Variants in ZNF714 observed in about 807,000 individuals in gnomAD.
The protein encoded by ZNF714 is zinc finger protein 714.
ZNF714 carries 32 observed loss-of-function variants against 46.2 expected under a neutral mutation model. The observed-to-expected ratio is 0.69, with a 90% CI of 0.52 to 0.93. The LOEUF (loss-of-function observed/expected upper bound fraction) is 0.93, where lower values mean the gene tolerates loss of function less well. ZNF714 is among the 40% of genes least tolerant of loss of function. The pLI is 0.00. For synonymous variants in ZNF714, 199 were observed against 213.1 expected, an observed-to-expected ratio of 0.93 and a Z score of 0.58; for missense variants, 635 against 646.3, an observed-to-expected ratio of 0.98 and a Z score of 0.19.
At chr19:21,083,876 G>T in intron 1 of ZNF714, 102 bp from the exon 2 acceptor site, 1 of 454,310 alleles carries the variant, frequency 2.2e-6, no homozygotes, top group Non-Finnish European at 3.4e-6. Flanking sequence ...TTTTCTGGTC[G>T]TGGGTTTCAG....
At chr19:21,085,437 GTAGA>G (rs1319374076) in intron 2 of ZNF714, among the ~76,000 whole-genome samples, 6 of 110,734 alleles carry the variant, frequency 5.4e-5, no homozygotes, top group Non-Finnish European at 7.9e-5. Flanking sequence ...TCATAAAGGA[GTAGA>G]TACTTTTGCT....
At chr19:21,103,528 G>C (rs1486344806) in intron 4 of ZNF714, among the ~76,000 whole-genome samples, 1 of 152,152 alleles carries the variant, frequency 6.6e-6, no homozygotes, top group Non-Finnish European at 1.5e-5. Flanking sequence ...ACTCCAGCCT[G>C]GGTGACAGAG....
chr19:21,106,563 C>T lies in ZNF714; in HGVS notation c.142+7653C>T, dbSNP rs58174962. ...CAGCCTGGGTGACAGAGCAAGACTC[C>T]GTCTCAAAAAAAAAAAAAAAACAAA... is the stretch of plus-strand genomic sequence containing the variant. On this transcript the variant is annotated intron_variant, in intron 4 of 4. Transcript: ENST00000456283. Among the ~76,000 whole-genome samples the T allele has an allele frequency of 4.1e-3, 538 of 130,038 alleles. 26 individuals carry two copies. In the East Asian group the frequency reaches 0.097, roughly 23 times the overall value. 85.3% of individuals were successfully genotyped at this position (130,038 alleles called of 152,430 possible).
Position 21,117,704 on chromosome 19 carries a change from G to A in ZNF714, c.1040G>A (p.Gly347Asp). 1 of 1,613,346 alleles carries A rather than the reference G, an allele frequency of 6.2e-7. No individual in the cohort carries two copies. The highest frequency in any genetic ancestry group is 1.1e-5 in the South Asian group (1 of 90,938). Reference protein sequence around the residue: ...GEKPYKCEECGKAFNVSSHLT... With the variant: ...GEKPYKCEECDKAFNVSSHLT... ...AAACCCTACAAATGTGAAGAATGTG[G>A]CAAAGCCTTTAATGTGTCTTCACAC... The change falls in exon 5 of 5, where the codon GGC becomes GAC. Residue 347 changes from glycine to aspartate, a missense_variant. Coordinates refer to ENST00000456283, the MANE Select transcript of ZNF714 (RefSeq NM_182515.4).
chr19:21,124,917 T>C lies in ZNF714; in HGVS notation c.*6585T>C, dbSNP rs1969768576. On this transcript the variant is annotated 3_prime_UTR_variant, in exon 5 of 5. Transcript: ENST00000456283. ...ATGTCCTCCAGCTTAATCTATGTAATTTAAAATAATATAATTTTTTTCTTT... is the reference window on the plus strand; with the variant it reads ...ATGTCCTCCAGCTTAATCTATGTAACTTAAAATAATATAATTTTTTTCTTT... 1 of 145,998 alleles carries C rather than the reference T, an allele frequency of 6.8e-6. No individual in the cohort carries two copies. The highest frequency in any genetic ancestry group is 1.5e-5 in the Non-Finnish European group (1 of 67,164). The allele number at this position is 145,998 out of a possible 1,614,324, so 9.0% of individuals were successfully genotyped here.
chr19:21,098,410 G>T, intron 3 of ZNF714, 99 bp downstream of exon 3: 1 of 1,407,206 alleles, frequency 7.1e-7, no homozygotes, highest in Non-Finnish European at 9.8e-7. Context: ...TTGTATAAAT[G>T]AGTTTCTGAT....
chr19:21,095,062 G>A lies in ZNF714; in HGVS notation c.-84-3123G>A, dbSNP rs539378683. 1.1e-4 allele frequency among the ~76,000 whole-genome samples: 17 copies of A among 152,066 alleles called. 2 individuals carry two copies. The highest frequency in any genetic ancestry group is 5.9e-4 in the Admixed American group (9 of 15,278). ...ATTCTGGGTATTAAACCTTTGTCAG[G>A]AACATAGTTTGCAAATATTTTTGTT... is the stretch of plus-strand genomic sequence containing the variant. On this transcript the variant is annotated intron_variant, in intron 2 of 4. Transcript: ENST00000456283.
intron 2 of ZNF714, among the ~76,000 whole-genome samples, chr19:21,086,730 A>G (rs1003561618): frequency 1.3e-5 from 2 of 152,186 alleles, no homozygotes; most frequent in Non-Finnish European, 2.9e-5. Context: ...AGTCAGTCTC[A>G]GCCCTATTTT....
chr19:21,108,581 A>C (rs1969375595), intron 4 of ZNF714, among the ~76,000 whole-genome samples: 1 of 152,180 alleles, frequency 6.6e-6, no homozygotes, highest in Non-Finnish European at 1.5e-5. Context: ...GCCGTCTCTT[A>C]CCATGTGATA....
intron 4 of ZNF714, among the ~76,000 whole-genome samples, chr19:21,109,306 C>T (rs933805628): frequency 6.6e-6 from 1 of 152,136 alleles, no homozygotes; most frequent in Admixed American, 6.5e-5. Flanking sequence ...GCAGCCTCAA[C>T]CTCCCAAACT....
rs1969748525 is a variant in ZNF714, at chr19:21,123,791, A to G, written c.*5459A>G. The G allele has an allele frequency of 6.6e-6, 1 of 152,152 alleles. No individual in the cohort carries two copies. The highest frequency in any genetic ancestry group is 1.9e-4 in the East Asian group (1 of 5,206). The allele number at this position is 152,152 out of a possible 1,614,324, so 9.4% of individuals were successfully genotyped here. On this transcript the variant is annotated 3_prime_UTR_variant, in exon 5 of 5. Coordinates refer to ENST00000456283, the MANE Select transcript of ZNF714 (RefSeq NM_182515.4). Reference sequence around the variant, plus strand: ...ATTTAGAAAAATATGTCTTTTCTATATTGATTTTACAATTTGGAGAAATTT... The same window carrying G: ...ATTTAGAAAAATATGTCTTTTCTATGTTGATTTTACAATTTGGAGAAATTT...
At chr19:21,093,522 C>G (rs770043167) in intron 2 of ZNF714, among the ~76,000 whole-genome samples, 1 of 151,728 alleles carries the variant, frequency 6.6e-6, no homozygotes, top group Non-Finnish European at 1.5e-5. Flanking sequence ...TGAGCCACCA[C>G]GCCCAGCTTG....
intron 1 of ZNF714, 117 bp from the exon 2 acceptor site, chr19:21,083,861 A>T: frequency 2.9e-6 from 1 of 340,196 alleles, no homozygotes; most frequent in Non-Finnish European, 5.0e-6. Context: ...GCCACCCTTT[A>T]GTTTTTTTCT....
chr19:21,084,586 T>G lies in ZNF714; in HGVS notation c.-85+517T>G, dbSNP rs552571736. Among the ~76,000 whole-genome samples, 7 of 152,342 alleles carry G rather than the reference T, an allele frequency of 4.6e-5. No individual in the cohort carries two copies. The East Asian group carries it at 1.3e-3, about 29-fold the overall frequency. ...AAACATGAGTCACACACATCTGTTA[T>G]TTAACCATCATTGCCACTTCTGGAT... On this transcript the variant is annotated intron_variant, in intron 2 of 4. Transcript: ENST00000456283.
At chr19:21,083,945 G>A in intron 1 of ZNF714, 33 bp from the exon 2 acceptor site, 10 of 1,183,958 alleles carry the variant, frequency 8.4e-6, no homozygotes, top group South Asian at 2.7e-5. Context: ...AGTGCCTAGT[G>A]AATATCAGCT....
Position 21,117,555 on chromosome 19 carries a change from C to T in ZNF714, c.891C>T (p.Phe297=), listed in dbSNP as rs1457106910. 1.2e-6 allele frequency: 2 copies of T among 1,606,028 alleles called. No individual in the cohort carries two copies. The highest frequency in any genetic ancestry group is 2.2e-5 in the South Asian group (2 of 90,444). Residue 297 remains phenylalanine (F), a synonymous_variant, in exon 5 of 5, where the codon TTC becomes TTT. Transcript: ENST00000456283. ...CEECDKAFNR[F]SYLTKHKIIH... ...AATGTGACAAAGCTTTTAACCGATT[C>T]TCATACCTTACTAAACATAAGATAA...
In ZNF714 at chr19:21,117,525, T is replaced by C. The variant is rs1453758334; in HGVS notation, c.861T>C (p.Cys287=). ...ATGTTAAAGAAAAACCCTACAAATG[T>C]GAAGAATGTGACAAAGCTTTTAACC... ...FIHVKEKPYK[C]EECDKAFNRF... Residue 287 remains cysteine, a synonymous_variant, in exon 5 of 5, where the codon TGT becomes TGC. Transcript: ENST00000456283. 3.1e-6 allele frequency: 5 copies of C among 1,606,876 alleles called. No homozygotes were observed. Among genetic ancestry groups the C allele is most frequent in the East Asian group, 2.2e-5 (1 of 44,602 alleles).
rs1175415855 is a variant in ZNF714, at chr19:21,083,969, C to G, written c.-176-9C>G. The G allele has an allele frequency of 7.8e-7, 1 of 1,279,812 alleles. No individual in the cohort carries two copies. The highest frequency in any genetic ancestry group is 1.0e-6 in the Non-Finnish European group (1 of 984,198). The allele number at this position is 1,279,812 out of a possible 1,614,324, so 79.3% of individuals were successfully genotyped here. A position where few individuals can be genotyped will look rare whatever the true frequency, so the allele number is the denominator to read the frequency against. ...TGAATATCAGCTTCTGGTTTATTTT[C>G]TTCCATAGGGCGACCTGAGGTCTGG... On this transcript the variant is annotated splice_polypyrimidine_tract_variant and intron_variant, in intron 1 of 4. Coordinates refer to ENST00000456283, the MANE Select transcript of ZNF714 (RefSeq NM_182515.4).
At chr19:21,085,624 T>C (rs1235242290) in intron 2 of ZNF714, among the ~76,000 whole-genome samples, 1 of 152,168 alleles carries the variant, frequency 6.6e-6, no homozygotes, top group African/African-American at 2.4e-5. Context: ...AGGCTAATAT[T>C]GAGCCTACAA....
Sources: allele counts gnomAD v4.1 joint callset (sites outside exome capture counted in the v4.1 genomes callset), GRCh38; gene constraint gnomAD v4.1.1; transcripts MANE v1.5; gene names NCBI Gene and HGNC (gene_info 2026-07-23, HGNC 2026-07-21).